Variants in CBLB observed in about 807,000 individuals in gnomAD.
CBLB encodes the protein E3 ubiquitin-protein ligase CBL-B.
A neutral mutation model predicts 104.9 loss-of-function variants in CBLB; 31 were observed. That is an observed-to-expected ratio of 0.30 (90% CI 0.22 to 0.40). The LOEUF (loss-of-function observed/expected upper bound fraction) is 0.40, where lower values mean the gene tolerates loss of function less well. CBLB is among the 10% of genes least tolerant of loss of function. The probability of loss-of-function intolerance (pLI) is 1.00; values close to 1 mark genes in which losing one functional copy is unlikely to be tolerated. For synonymous variants in CBLB, 440 were observed against 422.6 expected (o/e 1.04, Z -0.51); for missense variants, 1,062 against 1,214.6 (o/e 0.87, Z 1.87).
intron 9 of CBLB, among the ~76,000 whole-genome samples, chr3:105,726,350 A>G (rs1395555420): frequency 6.6e-6 from 1 of 152,184 alleles, no homozygotes; most frequent in Admixed American, 6.5e-5. Context: ...TTTCTTTTAA[A>G]TTATATCAAA....
In CBLB at chr3:105,702,476, G is replaced by GAA. The variant is rs34208930; in HGVS notation, c.1594-19_1594-18dup. 49,857 of 272,130 alleles carry GAA rather than the reference G, an allele frequency of 0.18. 7,547 individuals carry two copies. The highest frequency in any genetic ancestry group is 0.29 in the African/African-American group (5,784 of 20,174). The allele number at this position is 272,130 out of a possible 1,614,324, so 16.9% of individuals were successfully genotyped here. A position where few individuals can be genotyped will look rare whatever the true frequency, so the allele number is the denominator to read the frequency against. On this transcript the variant is annotated splice_polypyrimidine_tract_variant and intron_variant, in intron 11 of 18. Transcript: ENST00000394030. The stretch of plus-strand genomic sequence containing the variant: ...AGGAGAAGACTAAAGAAACAGAAGA[G>GAA]AAAAAAAAAAAAAAAAAAAAAAACT...
At chr3:105,801,912 A>T (rs1030175568) in intron 3 of CBLB, among the ~76,000 whole-genome samples, 2 of 152,240 alleles carry the variant, frequency 1.3e-5, no homozygotes, top group Admixed American at 6.5e-5. Context: ...GATCCACAGG[A>T]TGGTGGGGAA....
intron 4 of CBLB, among the ~76,000 whole-genome samples, chr3:105,764,885 A>G (rs1160308830): frequency 1.3e-5 from 2 of 152,238 alleles, no homozygotes; most frequent in African/African-American, 2.4e-5. Flanking sequence ...GGTTAGATCA[A>G]ACTAGCCACA....
Position 105,693,503 on chromosome 3 carries a change from G to A in CBLB, c.2045C>T (p.Pro682Leu). 6.2e-7 allele frequency: 1 copy of A among 1,606,144 alleles called. No individual in the cohort carries two copies. Among genetic ancestry groups the A allele is most frequent in the Non-Finnish European group, 8.5e-7 (1 of 1,173,168 alleles). Reference protein sequence around the residue: ...SPPPPVTTLLPSIKCTGPLAN... With the variant: ...SPPPPVTTLLLSIKCTGPLAN... ...ATTCAACAAAACTCACTTTATGCTA[G>A]GGAGGAGGGTGGTAACTGGAGGAGG... The change falls in exon 13 of 19, where the codon CCT becomes CTT. Residue 682 changes from proline (P) to leucine (L), a missense_variant. Around this residue, in one of 2 missense-constraint regions of CBLB, gnomAD observed 605 missense variants for 582.6 expected, o/e 1.04. Transcript: ENST00000394030.
At chr3:105,665,861 T>C (rs1284542461) in intron 18 of CBLB, among the ~76,000 whole-genome samples, 5 of 151,498 alleles carry the variant, frequency 3.3e-5, no homozygotes, top group African/African-American at 1.2e-4. Context: ...AAACCCCGTC[T>C]CTACTAAAAA....
At chr3:105,684,557 C>CTT (rs71627686) in intron 14 of CBLB, among the ~76,000 whole-genome samples, 2 of 146,772 alleles carry the variant, frequency 1.4e-5, no homozygotes, top group Non-Finnish European at 3.0e-5. Flanking sequence ...TCCACACATT[C>CTT]TTTTTTTTTT....
At chr3:105,758,296 A>G (rs2077262523) in intron 4 of CBLB, among the ~76,000 whole-genome samples, 1 of 152,228 alleles carries the variant, frequency 6.6e-6, no homozygotes, top group Non-Finnish European at 1.5e-5. Flanking sequence ...TACCAAGGAT[A>G]TTCATAATTA....
intron 3 of CBLB, among the ~76,000 whole-genome samples, chr3:105,847,621 C>T (rs1577816980): frequency 8.5e-6 from 1 of 117,862 alleles, no homozygotes; most frequent in African/African-American, 3.2e-5. Flanking sequence ...GACTTTTTTT[C>T]CAGTGGTTGT....
intron 6 of CBLB, among the ~76,000 whole-genome samples, chr3:105,743,984 G>C: frequency 6.6e-6 from 1 of 151,860 alleles, no homozygotes; most frequent in Non-Finnish European, 1.5e-5. Flanking sequence ...GTTTTTTAAG[G>C]TATGACTGAT....
At chr3:105,766,176 A>G (rs2078201679) in intron 4 of CBLB, among the ~76,000 whole-genome samples, 1 of 152,214 alleles carries the variant, frequency 6.6e-6, no homozygotes, top group Non-Finnish European at 1.5e-5. Flanking sequence ...TAGAACCTAA[A>G]TATGTGGCTA....
At chr3:105,710,069 C>T (rs1282358484) in intron 10 of CBLB, among the ~76,000 whole-genome samples, 1 of 151,894 alleles carries the variant, frequency 6.6e-6, no homozygotes, top group Non-Finnish European at 1.5e-5. Flanking sequence ...CCCATATCCA[C>T]TAATTTCCTC....
rs918720819 is a variant in CBLB, at chr3:105,790,673, C to T, written c.420-14131G>A. On this transcript the variant is annotated intron_variant, in intron 3 of 18. Transcript: ENST00000394030. Reference sequence around the variant, plus strand: ...TGTACAACTAAGGTCATTCAAGGTGCTTCCAAAACACAGGAACTAAAGAGA... The same window carrying T: ...TGTACAACTAAGGTCATTCAAGGTGTTTCCAAAACACAGGAACTAAAGAGA... Among the ~76,000 whole-genome samples the T allele has an allele frequency of 3.3e-5, 5 of 152,274 alleles. No individual in the cohort carries two copies. The South Asian group carries it at 1.0e-3, about 32-fold the overall frequency.
chr3:105,800,899 T>C (rs948440371), intron 3 of CBLB, among the ~76,000 whole-genome samples: 1 of 152,112 alleles, frequency 6.6e-6, no homozygotes, highest in African/African-American at 2.4e-5. Flanking sequence ...GAAAACAAAT[T>C]ATGACAGTAC....
At chr3:105,843,609 G>A (rs1183486908) in intron 3 of CBLB, among the ~76,000 whole-genome samples, 2 of 151,894 alleles carry the variant, frequency 1.3e-5, no homozygotes, top group African/African-American at 4.8e-5. Flanking sequence ...TTAAAAAAAG[G>A]TACTTACAAA....
intron 10 of CBLB, among the ~76,000 whole-genome samples, chr3:105,718,889 C>T (rs2072334549): frequency 6.6e-6 from 1 of 152,160 alleles, no homozygotes; most frequent in African/African-American, 2.4e-5. Context: ...CAGGGAATAG[C>T]CTGATATCCA....
At chr3:105,815,261 A>G (rs1478225024) in intron 3 of CBLB, among the ~76,000 whole-genome samples, 2 of 152,174 alleles carry the variant, frequency 1.3e-5, no homozygotes, top group Non-Finnish European at 2.9e-5. Context: ...CCTACTCTTT[A>G]TTGAATGAAT....
chr3:105,748,440 C>T (rs529378589), intron 5 of CBLB, among the ~76,000 whole-genome samples: 40 of 152,270 alleles, frequency 2.6e-4, no homozygotes, highest in African/African-American at 9.1e-4. Context: ...TAAAATACTC[C>T]GTCCTTATCC....
chr3:105,687,969 C>T (rs2067212915), intron 13 of CBLB, among the ~76,000 whole-genome samples: 2 of 151,930 alleles, frequency 1.3e-5, no homozygotes, highest in African/African-American at 4.8e-5. Context: ...TTTTCCTCTA[C>T]AAACTCATTC....
intron 2 of CBLB, among the ~76,000 whole-genome samples, chr3:105,861,118 C>A (rs1247426041): frequency 6.8e-6 from 1 of 147,752 alleles, no homozygotes; most frequent in Non-Finnish European, 1.5e-5. Context: ...AAATTAGCAA[C>A]CTACAAATAC....
Sources: gnomAD v4.1 joint callset for allele counts (sites outside exome capture counted in the v4.1 genomes callset) on GRCh38, gnomAD v4.1.1 for gene constraint, gnomAD v4.1.1 regional missense constraint, MANE v1.5 for transcripts, NCBI Gene and HGNC (gene_info 2026-07-23, HGNC 2026-07-21) for gene names.